The following MRC1 variants were observed in gnomAD, a reference collection of about 807,000 sequenced individuals.
The protein encoded by MRC1 is macrophage mannose receptor 1.
Under a neutral mutation model 102.9 loss-of-function variants are expected in MRC1, and 62 were observed. The ratio of observed to expected loss-of-function variants is 0.60; its 90% confidence interval spans 0.49 to 0.74. The LOEUF (loss-of-function observed/expected upper bound fraction) is 0.74. MRC1 is among the 30% of genes least tolerant of loss of function. The pLI is 0.00. For missense variants in MRC1, 1,237 were observed against 862.8 expected, an observed-to-expected ratio of 1.43 and a Z score of -5.43; for synonymous variants, 457 against 298.4, an observed-to-expected ratio of 1.53 and a Z score of -5.48.
chr10:17,896,786 G>T (rs991593238), intron 23 of MRC1, among the ~76,000 whole-genome samples: 1 of 152,088 alleles, frequency 6.6e-6, no homozygotes, highest in African/African-American at 2.4e-5. Context: ...AAAATAAAAT[G>T]AAATGAAATG....
At chr10:17,819,349 G>C (rs1838360741) in intron 1 of MRC1, among the ~76,000 whole-genome samples, 1 of 152,140 alleles carries the variant, frequency 6.6e-6, no homozygotes, top group Non-Finnish European at 1.5e-5. Flanking sequence ...CCATTTTCAA[G>C]AGAGGAAGAT....
intron 1 of MRC1, among the ~76,000 whole-genome samples, chr10:17,814,676 T>TC (rs1838278958): frequency 8.4e-6 from 1 of 118,714 alleles, no homozygotes; most frequent in African/African-American, 3.1e-5. Context: ...CTTCCGTCCC[T>TC]CTTTTTTTTT....
rs1833954887 is a variant in MRC1, at chr10:17,910,507, G to T, written c.*42G>T. 1.3e-6 allele frequency: 1 copy of T among 780,360 alleles called. No homozygotes were observed. 48.3% of individuals were successfully genotyped at this position (780,360 alleles called of 1,614,324 possible). On this transcript the variant is annotated 3_prime_UTR_variant, in exon 30 of 30. Coordinates refer to ENST00000569591, the MANE Select transcript of MRC1 (RefSeq NM_002438.4). ...TGAGATATTTGAATTTCATAAAATT[G>T]TAACTGAAATTTAAAATTTTTAGTT... is the stretch of plus-strand genomic sequence containing the variant.
At chr10:17,890,426 C>T (rs1197091112) in intron 22 of MRC1, among the ~76,000 whole-genome samples, 1 of 152,120 alleles carries the variant, frequency 6.6e-6, no homozygotes, top group Non-Finnish European at 1.5e-5. Flanking sequence ...GTTCCTTTCT[C>T]GTTTCCTTGG....
At position 17,827,660 on chromosome 10, in the gene MRC1, C is replaced by T. The variant is rs1471194803; in HGVS notation, c.582C>T (p.Cys194=). The change falls in exon 3 of 30, where the codon TGC becomes TGT. Residue 194 remains cysteine, a synonymous_variant. Transcript: ENST00000569591. ...SAGRSDGWLW[C]GTTTDYDTDK... ...GGCGGTCGGATGGATGGCTCTGGTG[C>T]GGAACCACTACTGACTATGACACAG... 4.9e-5 allele frequency: 38 copies of T among 780,786 alleles called. No individual in the cohort carries two copies. Among genetic ancestry groups the T allele is most frequent in the Non-Finnish European group, 7.4e-5 (31 of 417,946 alleles). The allele number at this position is 780,786 out of a possible 1,614,324, so 48.4% of individuals were successfully genotyped here.
At chr10:17,885,551 G>A in intron 22 of MRC1, 116 bp downstream of exon 22, 1 of 695,502 alleles carries the variant, frequency 1.4e-6, no homozygotes, top group Non-Finnish European at 2.6e-6. Context: ...TCTGTTCTAT[G>A]CTTGCAGATT....
In MRC1 at chr10:17,842,071, T is replaced by C. The variant is rs977067796; in HGVS notation, c.916+1265T>C. ...TCAGCCTTCCTGGCTCAAGTCATTC[T>C]TGTGCCTCAGCCTCCTAAGAGGCTG... On this transcript the variant is annotated intron_variant, in intron 5 of 29. Coordinates refer to ENST00000569591, the MANE Select transcript of MRC1 (RefSeq NM_002438.4). Among the ~76,000 whole-genome samples, 296 of 152,334 alleles carry C rather than the reference T, an allele frequency of 1.9e-3. 3 individuals carry two copies. Among genetic ancestry groups the C allele is most frequent in the Non-Finnish European group, 3.8e-3 (260 of 68,040 alleles).
intron 24 of MRC1, among the ~76,000 whole-genome samples, chr10:17,900,113 A>AAG (rs1554843601): frequency 3.3e-5 from 5 of 150,420 alleles, no homozygotes; most frequent in African/African-American, 9.7e-5. Flanking sequence ...AAAAAAAAAA[A>AAG]AAAGAAAGAA....
chr10:17,822,684 T>C (rs1196389992), intron 1 of MRC1, among the ~76,000 whole-genome samples: 1 of 152,236 alleles, frequency 6.6e-6, no homozygotes, highest in African/African-American at 2.4e-5. Flanking sequence ...TTACAGTTTA[T>C]TGTATTCGTA....
intron 17 of MRC1, among the ~76,000 whole-genome samples, chr10:17,877,038 T>A (rs962331399): frequency 6.6e-6 from 1 of 151,028 alleles, no homozygotes; most frequent in Non-Finnish European, 1.5e-5. Flanking sequence ...GCTTTGAAAC[T>A]CTCAAGATGT....
At chr10:17,825,684 T>A (rs2130596082) in intron 2 of MRC1, among the ~76,000 whole-genome samples, 1 of 152,270 alleles carries the variant, frequency 6.6e-6, no homozygotes, top group South Asian at 2.1e-4. Flanking sequence ...CAGTGAGCCA[T>A]CATTGCGCCA....
intron 5 of MRC1, among the ~76,000 whole-genome samples, chr10:17,843,294 A>T (rs1197642306): frequency 6.6e-6 from 1 of 152,208 alleles, no homozygotes; most frequent in African/African-American, 2.4e-5. Context: ...CTGTTATTTT[A>T]GTTACAGTAT....
chr10:17,875,091 T>C lies in MRC1; in HGVS notation c.2388T>C (p.Asn796=). The part of the protein sequence containing the change: ...KPEPTPAPQD[N]PPVTEDGWVI... ...TGCCTTTTCTCATTAACTTTTCAGATCCACCAGTTACTGAAGATGGGTGGG... is the reference window on the plus strand; with the variant it reads ...TGCCTTTTCTCATTAACTTTTCAGACCCACCAGTTACTGAAGATGGGTGGG... The change falls in exon 17 of 30, where the codon AAT becomes AAC. Residue 796 remains asparagine (N), a splice_region_variant and synonymous_variant. Coordinates refer to ENST00000569591, the MANE Select transcript of MRC1 (RefSeq NM_002438.4). 1 of 780,802 alleles carries C rather than the reference T, an allele frequency of 1.3e-6. No individual in the cohort carries two copies. Among genetic ancestry groups the C allele is most frequent in the Non-Finnish European group, 2.4e-6 (1 of 417,918 alleles). The allele number at this position is 780,802 out of a possible 1,614,324, so 48.4% of individuals were successfully genotyped here. A position where few individuals can be genotyped will look rare whatever the true frequency, so the allele number is the denominator to read the frequency against.
At chr10:17,868,976 T>G (rs1833317489) in intron 12 of MRC1, among the ~76,000 whole-genome samples, 4 of 152,220 alleles carry the variant, frequency 2.6e-5, no homozygotes, top group Non-Finnish European at 5.9e-5. Context: ...CAGATTCATC[T>G]TATTCCTAGC....
chr10:17,837,111 G>T (rs893920904), intron 4 of MRC1, among the ~76,000 whole-genome samples: 1 of 152,150 alleles, frequency 6.6e-6, no homozygotes, highest in African/African-American at 2.4e-5. Context: ...GACTCGAGCT[G>T]CAGGAAATGC....
At chr10:17,814,373 G>A (rs538916895) in intron 1 of MRC1, among the ~76,000 whole-genome samples, 4,265 of 152,250 alleles carry the variant, frequency 0.028, 228 homozygotes, top group African/African-American at 0.097. Flanking sequence ...CACTTCAAGA[G>A]GGGGAAAGGA....
chr10:17,899,656 C>T (rs901457060), intron 24 of MRC1, among the ~76,000 whole-genome samples: 7 of 152,056 alleles, frequency 4.6e-5, no homozygotes, highest in Non-Finnish European at 8.8e-5. Context: ...TCAGCTACCT[C>T]TGATTAATAT....
chr10:17,907,609 A>G lies in MRC1; in HGVS notation c.3989A>G (p.Asn1330Ser). Reference sequence around the variant, plus strand: ...ACAGGAGATCCCTCTGGTGAACGGAATGATTGTGTAGCTTTACATGCGTCT... The same window carrying G: ...ACAGGAGATCCCTCTGGTGAACGGAGTGATTGTGTAGCTTTACATGCGTCT... The part of the protein sequence containing the change: ...WNTGDPSGER[N>S]DCVALHASSG... Residue 1330 changes from asparagine to serine, a missense_variant, in exon 28 of 30, where the codon AAT (asparagine) becomes AGT (serine). Physicochemically the swap from Asn to Ser is conservative, Grantham distance 46. Coordinates refer to ENST00000569591, the MANE Select transcript of MRC1 (RefSeq NM_002438.4). 1.3e-6 allele frequency: 1 copy of G among 780,914 alleles called. No homozygotes were observed. The highest frequency in any genetic ancestry group is 2.4e-6 in the Non-Finnish European group (1 of 417,972). The allele number at this position is 780,914 out of a possible 1,614,324, so 48.4% of individuals were successfully genotyped here. A position where few individuals can be genotyped will look rare whatever the true frequency, so the allele number is the denominator to read the frequency against.
intron 21 of MRC1, among the ~76,000 whole-genome samples, chr10:17,883,351 A>C (rs1206408119): frequency 2.0e-5 from 3 of 151,900 alleles, no homozygotes; most frequent in Admixed American, 2.0e-4. Context: ...CTGGCTTAAA[A>C]CTTCTGATCT....
Sources: allele counts gnomAD v4.1 joint callset (sites outside exome capture counted in the v4.1 genomes callset), GRCh38; gene constraint gnomAD v4.1.1; transcripts MANE v1.5; gene names NCBI Gene and HGNC (gene_info 2026-07-23, HGNC 2026-07-21).